The following ASIC2 variants were observed in gnomAD, a reference collection of about 807,000 sequenced individuals.
The protein encoded by ASIC2 is acid sensing ion channel subunit 2, also known as acid-sensing ion channel 2.
Under a neutral mutation model 57.3 loss-of-function variants are expected in ASIC2, and 25 were observed. That is an observed-to-expected ratio of 0.44 (90% CI 0.32 to 0.61). The LOEUF (loss-of-function observed/expected upper bound fraction) is 0.61. Ranked by LOEUF, ASIC2 falls within the 20% of genes least tolerant of loss-of-function variation. The probability of loss-of-function intolerance (pLI) is 0.06; values close to 1 mark genes in which losing one functional copy is unlikely to be tolerated. For missense variants in ASIC2, 641 were observed against 738.1 expected (o/e 0.87, Z 1.52); for synonymous variants, 319 against 307.5 (o/e 1.04, Z -0.39).
intron 1 of ASIC2, among the ~76,000 whole-genome samples, chr17:33,192,159 G>T (rs1906445750): frequency 6.6e-6 from 1 of 152,090 alleles, no homozygotes; most frequent in African/African-American, 2.4e-5. Context: ...ATGGAGACAA[G>T]ATCCTGAGGT....
At chr17:33,580,716 A>C (rs1398165499) in intron 1 of ASIC2, among the ~76,000 whole-genome samples, 1 of 152,088 alleles carries the variant, frequency 6.6e-6, no homozygotes, top group Non-Finnish European at 1.5e-5. Flanking sequence ...CGTCAGTGGG[A>C]TCTCACTCTT....
intron 1 of ASIC2, among the ~76,000 whole-genome samples, chr17:33,723,747 C>T (rs1181893030): frequency 6.6e-6 from 1 of 152,136 alleles, no homozygotes; most frequent in Admixed American, 6.5e-5. Flanking sequence ...CATAAGAGAG[C>T]TTTGTGGATG....
Position 33,202,809 on chromosome 17 carries a change from TG to T in ASIC2, c.708+88598del, listed in dbSNP as rs550978466. ...CAGCTGGAGCTTGCTCCTGGATGGG[TG>T]GGGGTGACCTTCATTGGCCTCTCTC... On this transcript the variant is annotated intron_variant, in intron 1 of 9. Transcript: ENST00000225823. 3.5e-3 allele frequency among the ~76,000 whole-genome samples: 539 copies of T among 152,108 alleles called. 4 individuals carry two copies. Among genetic ancestry groups the T allele is most frequent in the African/African-American group, 0.012 (512 of 41,484 alleles).
intron 1 of ASIC2, among the ~76,000 whole-genome samples, chr17:33,918,278 CT>C (rs2141963360): frequency 6.6e-6 from 1 of 152,250 alleles, no homozygotes; most frequent in Non-Finnish European, 1.5e-5. Context: ...CCCAAAGCAC[CT>C]TATATGAATC....
intron 1 of ASIC2, among the ~76,000 whole-genome samples, chr17:33,445,015 T>G (rs540489890): frequency 6.6e-6 from 1 of 152,360 alleles, no homozygotes; most frequent in South Asian, 2.1e-4. Flanking sequence ...CTGTTTGACC[T>G]ATAAGGTCTA....
At chr17:33,677,915 T>C (rs968016949) in intron 1 of ASIC2, among the ~76,000 whole-genome samples, 2 of 152,206 alleles carry the variant, frequency 1.3e-5, no homozygotes, top group Admixed American at 1.3e-4. Context: ...TTTGAGAAGA[T>C]TGACTCCAGT....
chr17:33,357,616 A>G (rs1908437343), intron 1 of ASIC2, among the ~76,000 whole-genome samples: 1 of 152,076 alleles, frequency 6.6e-6, no homozygotes, highest in African/African-American at 2.4e-5. Context: ...GGGAGTGATG[A>G]GTTCTTCCAG....
intron 1 of ASIC2, among the ~76,000 whole-genome samples, chr17:33,487,076 A>G (rs1284019039): frequency 6.6e-6 from 1 of 152,226 alleles, no homozygotes; most frequent in Non-Finnish European, 1.5e-5. Context: ...TACAAACACC[A>G]TCTGATATGA....
At chr17:33,425,577 C>T (rs1216219330) in intron 1 of ASIC2, among the ~76,000 whole-genome samples, 1 of 152,012 alleles carries the variant, frequency 6.6e-6, no homozygotes. Flanking sequence ...CAGGAATGGG[C>T]AGACTTCATG....
intron 1 of ASIC2, among the ~76,000 whole-genome samples, chr17:33,650,165 GAACA>G (rs1240603418): frequency 1.3e-5 from 2 of 152,076 alleles, no homozygotes; most frequent in African/African-American, 4.8e-5. Flanking sequence ...ATTAGAAAAT[GAACA>G]AAAGTTATAA....
chr17:33,162,594 T>C (rs1905193137), intron 1 of ASIC2, among the ~76,000 whole-genome samples: 1 of 152,220 alleles, frequency 6.6e-6, no homozygotes, highest in Non-Finnish European at 1.5e-5. Flanking sequence ...CTCTGGAATG[T>C]GTCTGCCCTC....
intron 3 of ASIC2, among the ~76,000 whole-genome samples, chr17:33,034,061 A>G (rs1598244750): frequency 6.6e-6 from 1 of 151,912 alleles, no homozygotes; most frequent in Non-Finnish European, 1.5e-5. Context: ...GAGAGGAGCT[A>G]CCCTCCAGGG....
chr17:33,035,081 T>C (rs917730299), intron 3 of ASIC2, among the ~76,000 whole-genome samples: 15 of 152,204 alleles, frequency 9.9e-5, no homozygotes, highest in African/African-American at 3.6e-4. Context: ...TGGCATTCAT[T>C]TATTATTTTG....
chr17:33,013,863 C>T lies in ASIC2; in HGVS notation c.*102G>A. 9.3e-7 allele frequency: 1 copy of T among 1,079,440 alleles called. No individual in the cohort carries two copies. The highest frequency in any genetic ancestry group is 1.4e-6 in the Non-Finnish European group (1 of 722,666). 66.9% of individuals were successfully genotyped at this position (1,079,440 alleles called of 1,614,324 possible). A position where few individuals can be genotyped will look rare whatever the true frequency, so the allele number is the denominator to read the frequency against. On this transcript the variant is annotated 3_prime_UTR_variant, in exon 10 of 10. Coordinates refer to ENST00000225823, the MANE Select transcript of ASIC2 (RefSeq NM_183377.2). ...ATGTGTGCATAGGGGGCTCTTGCTT[C>T]TTTCCAGCACTGGGGCCATCCCACC...
chr17:33,873,959 G>A (rs1487767961), intron 1 of ASIC2, among the ~76,000 whole-genome samples: 2 of 152,198 alleles, frequency 1.3e-5, no homozygotes, highest in Admixed American at 1.3e-4. Flanking sequence ...CTTCCTGCCT[G>A]GAACCAGTTC....
chr17:34,093,549 T>C (rs1379544636), intron 1 of ASIC2, among the ~76,000 whole-genome samples: 1 of 152,222 alleles, frequency 6.6e-6, no homozygotes, highest in African/African-American at 2.4e-5. Context: ...CTGACTTATT[T>C]CATGCTGTAG....
In ASIC2 at chr17:33,806,129, A is replaced by G. The variant is rs944739496; in HGVS notation, c.555+349849T>C. Reference sequence around the variant, plus strand: ...CACCCACATTCATACTCAAGAATTTATCACACAAACCAGGGATAAGTGAAT... The same window carrying G: ...CACCCACATTCATACTCAAGAATTTGTCACACAAACCAGGGATAAGTGAAT... On this transcript the variant is annotated intron_variant, in intron 1 of 9. Transcript: ENST00000359872. Among the ~76,000 whole-genome samples the G allele has an allele frequency of 6.6e-5, 10 of 152,332 alleles. No individual in the cohort carries two copies. In the East Asian group the frequency reaches 7.7e-4, roughly 12 times the overall value.
intron 1 of ASIC2, among the ~76,000 whole-genome samples, chr17:33,591,081 T>C (rs1424923078): frequency 6.6e-6 from 1 of 152,192 alleles, no homozygotes; most frequent in Non-Finnish European, 1.5e-5. Context: ...TTTTCTGTTA[T>C]ATTCTGCTGT....
Position 33,517,892 on chromosome 17 carries a change from G to C in ASIC2, c.556-405825C>G, listed in dbSNP as rs545123074. Among the ~76,000 whole-genome samples the C allele has an allele frequency of 2.8e-3, 420 of 152,206 alleles. 4 individuals are homozygous for C. Among genetic ancestry groups the C allele is most frequent in the African/African-American group, 9.8e-3 (405 of 41,518 alleles). On this transcript the variant is annotated intron_variant, in intron 1 of 9. Coordinates refer to the ASIC2 transcript ENST00000359872. Reference sequence around the variant, plus strand: ...TACATAATAATCACTTCCTTCATAGGTCGCCTAGACCAAGCCTGTTGCAAT... The same window carrying C: ...TACATAATAATCACTTCCTTCATAGCTCGCCTAGACCAAGCCTGTTGCAAT...
Sources: gnomAD v4.1 joint callset for allele counts (sites outside exome capture counted in the v4.1 genomes callset) on GRCh38, gnomAD v4.1.1 for gene constraint, MANE v1.5 for transcripts, NCBI Gene and HGNC (gene_info 2026-07-23, HGNC 2026-07-21) for gene names.